PBX3: variants seen among roughly 807,000 people sequenced by gnomAD.
The protein encoded by PBX3 is pre-B-cell leukemia transcription factor 3.
A neutral mutation model predicts 48.5 loss-of-function variants in PBX3; 14 were observed. The observed-to-expected ratio is 0.29, with a 90% CI of 0.19 to 0.45. The LOEUF (loss-of-function observed/expected upper bound fraction) is 0.45, where lower values mean the gene tolerates loss of function less well. PBX3 is among the 20% of genes least tolerant of loss of function. The pLI is 1.00. For synonymous variants in PBX3, 210 were observed against 200.3 expected, an observed-to-expected ratio of 1.05 and a Z score of -0.41; for missense variants, 386 against 546.7, an observed-to-expected ratio of 0.71 and a Z score of 2.93.
At chr9:125,826,064 A>C (rs1325377669) in intron 2 of PBX3, among the ~76,000 whole-genome samples, 1 of 152,242 alleles carries the variant, frequency 6.6e-6, no homozygotes, top group East Asian at 1.9e-4. Context: ...ATATTTAACT[A>C]GTTCCAGAAG....
At chr9:125,820,639 C>A (rs762913230) in intron 2 of PBX3, among the ~76,000 whole-genome samples, 2 of 152,196 alleles carry the variant, frequency 1.3e-5, no homozygotes, top group Non-Finnish European at 1.5e-5. Flanking sequence ...TGGTGGAGCA[C>A]CTGCATTTGA....
intron 2 of PBX3, among the ~76,000 whole-genome samples, chr9:125,848,177 C>G (rs1839478246): frequency 6.6e-6 from 1 of 152,052 alleles, no homozygotes. Context: ...AGTTTGGCAT[C>G]TGTAGGGCAG....
chr9:125,916,480 A>T (rs1054539519), intron 3 of PBX3, among the ~76,000 whole-genome samples: 5 of 152,200 alleles, frequency 3.3e-5, no homozygotes, highest in African/African-American at 4.8e-5. Context: ...AGGGAATGCT[A>T]GGCAAGGCAT....
chr9:125,775,981 G>T lies in PBX3; in HGVS notation c.274+27358G>T, dbSNP rs557220319. On this transcript the variant is annotated intron_variant, in intron 2 of 8. Coordinates refer to ENST00000373489, the MANE Select transcript of PBX3 (RefSeq NM_006195.6). ...TTTATTTGTTTATTGACTCTAGCAG[G>T]TTTTTTGGTGTGGATTCTTTGAAAT... Among the ~76,000 whole-genome samples, 35 of 152,256 alleles carry T rather than the reference G, an allele frequency of 2.3e-4. 1 individual carries two copies. The South Asian group carries it at 7.3e-3, about 32-fold the overall frequency.
At chr9:125,800,679 A>G (rs1363484004) in intron 2 of PBX3, among the ~76,000 whole-genome samples, 2 of 151,848 alleles carry the variant, frequency 1.3e-5, no homozygotes, top group Non-Finnish European at 2.9e-5. Flanking sequence ...TAAACATTTT[A>G]ATGTATAAGT....
At chr9:125,903,369 C>T (rs1216459745) in intron 2 of PBX3, among the ~76,000 whole-genome samples, 1 of 151,798 alleles carries the variant, frequency 6.6e-6, no homozygotes, top group Non-Finnish European at 1.5e-5. Flanking sequence ...ACAACAGAGG[C>T]CAGAATTTGT....
At chr9:125,951,781 C>T (rs1160860485) in intron 5 of PBX3, among the ~76,000 whole-genome samples, 1 of 152,160 alleles carries the variant, frequency 6.6e-6, no homozygotes, top group Non-Finnish European at 1.5e-5. Flanking sequence ...AAGATTTACA[C>T]ACAGGTCCGT....
At chr9:125,757,069 A>G (rs1836537629) in intron 2 of PBX3, among the ~76,000 whole-genome samples, 1 of 152,182 alleles carries the variant, frequency 6.6e-6, no homozygotes, top group South Asian at 2.1e-4. Flanking sequence ...CAAATAATTT[A>G]TAGAGGAATT....
chr9:125,912,322 T>C (rs1448366235), intron 2 of PBX3, among the ~76,000 whole-genome samples: 1 of 152,176 alleles, frequency 6.6e-6, no homozygotes, highest in Admixed American at 6.5e-5. Context: ...TTAGGTACTT[T>C]TCACATCTGC....
intron 2 of PBX3, among the ~76,000 whole-genome samples, chr9:125,849,210 A>G (rs566748263): frequency 1.3e-5 from 2 of 152,118 alleles, no homozygotes; most frequent in African/African-American, 4.8e-5. Flanking sequence ...AGAATGTTCC[A>G]TAAATTCTCA....
intron 2 of PBX3, among the ~76,000 whole-genome samples, chr9:125,912,783 A>G (rs979820075): frequency 7.2e-5 from 11 of 152,170 alleles, no homozygotes; most frequent in African/African-American, 2.2e-4. Context: ...CCATGTTTCA[A>G]TTTGAAGATA....
chr9:125,781,600 G>C (rs150095061), intron 2 of PBX3, among the ~76,000 whole-genome samples: 2,031 of 148,680 alleles, frequency 0.014, 74 homozygotes, highest in East Asian at 0.12. Flanking sequence ...AGGCGAGAGG[G>C]AGAGGCAGAG....
At chr9:125,818,208 C>CAA (rs374269822) in intron 2 of PBX3, among the ~76,000 whole-genome samples, 4 of 139,818 alleles carry the variant, frequency 2.9e-5, no homozygotes, top group South Asian at 2.3e-4. Flanking sequence ...TCAAAAAAAC[C>CAA]AAAAAAAAAA....
intron 2 of PBX3, among the ~76,000 whole-genome samples, chr9:125,812,892 G>C (rs1332708605): frequency 6.6e-6 from 1 of 152,206 alleles, no homozygotes; most frequent in Non-Finnish European, 1.5e-5. Flanking sequence ...TGGTGTAAGA[G>C]ATAAAACATG....
At chr9:125,919,248 C>T (rs1435164658) in intron 3 of PBX3, among the ~76,000 whole-genome samples, 1 of 151,006 alleles carries the variant, frequency 6.6e-6, no homozygotes, top group East Asian at 1.9e-4. Context: ...GAATCTCACT[C>T]TGTCACGCAG....
At chr9:125,899,441 GTATATA>G (rs369506959) in intron 2 of PBX3, among the ~76,000 whole-genome samples, 3 of 76,502 alleles carry the variant, frequency 3.9e-5, no homozygotes, top group African/African-American at 1.2e-4. Flanking sequence ...ATATATGTGT[GTATATA>G]TATATATAGA....
At chr9:125,828,584 C>A (rs1367571541) in intron 2 of PBX3, among the ~76,000 whole-genome samples, 1 of 152,092 alleles carries the variant, frequency 6.6e-6, no homozygotes, top group Non-Finnish European at 1.5e-5. Flanking sequence ...TAAGATTGGT[C>A]AGTTTTTTAA....
intron 5 of PBX3, among the ~76,000 whole-genome samples, chr9:125,949,753 G>A (rs1236207990): frequency 6.6e-6 from 1 of 152,194 alleles, no homozygotes; most frequent in Non-Finnish European, 1.5e-5. Context: ...AACAAGAGGC[G>A]TGACTATAGG....
At chr9:125,940,727 T>C (rs1253600129) in intron 5 of PBX3, among the ~76,000 whole-genome samples, 1 of 152,198 alleles carries the variant, frequency 6.6e-6, no homozygotes, top group African/African-American at 2.4e-5. Flanking sequence ...AAGTGCTTGA[T>C]TTCATTTATA....
Sources: gnomAD v4.1 joint callset for allele counts (sites outside exome capture counted in the v4.1 genomes callset) on GRCh38, gnomAD v4.1.1 for gene constraint, MANE v1.5 for transcripts, NCBI Gene and HGNC (gene_info 2026-07-23, HGNC 2026-07-21) for gene names.